Variants in FBXL17 observed in about 807,000 individuals in gnomAD.
The protein encoded by FBXL17 is F-box and leucine rich repeat protein 17.
A neutral mutation model predicts 66.2 loss-of-function variants in FBXL17; 22 were observed. The ratio of observed to expected loss-of-function variants is 0.33; its 90% confidence interval spans 0.24 to 0.47. The LOEUF (loss-of-function observed/expected upper bound fraction) is 0.47, where lower values mean the gene tolerates loss of function less well. FBXL17 is among the 20% of genes least tolerant of loss of function. FBXL17 has a pLI of 1.00. For missense variants in FBXL17, 878 were observed against 948.2 expected (o/e 0.93, Z 0.97); for synonymous variants, 474 against 400.5 (o/e 1.18, Z -2.19).
chr5:108,310,196 C>T (rs1759050247), intron 4 of FBXL17, among the ~76,000 whole-genome samples: 1 of 152,108 alleles, frequency 6.6e-6, no homozygotes, highest in South Asian at 2.1e-4. Context: ...CAATTTGGAG[C>T]TCTCACAAAA....
At chr5:107,976,654 G>A (rs73204762) in intron 7 of FBXL17, among the ~76,000 whole-genome samples, 18,282 of 151,964 alleles carry the variant, frequency 0.12, 1,353 homozygotes, top group East Asian at 0.2. Flanking sequence ...GATATGAGTA[G>A]AAAAAAGGAA....
At chr5:108,295,364 T>G (rs1262430267) in intron 4 of FBXL17, among the ~76,000 whole-genome samples, 1 of 151,872 alleles carries the variant, frequency 6.6e-6, no homozygotes, top group African/African-American at 2.4e-5. Flanking sequence ...TCTAAGCACA[T>G]TACATGTATA....
chr5:108,368,132 A>C (rs1056307919), intron 1 of FBXL17, among the ~76,000 whole-genome samples, 179 bp from the exon 2 acceptor site: 1 of 152,174 alleles, frequency 6.6e-6, no homozygotes. Context: ...TACAGGAGCT[A>C]AAAACGGACT....
intron 6 of FBXL17, among the ~76,000 whole-genome samples, chr5:108,162,533 T>G (rs1752255575): frequency 6.6e-6 from 1 of 152,100 alleles, no homozygotes; most frequent in Non-Finnish European, 1.5e-5. Flanking sequence ...GTAAATGAAT[T>G]AATGAAATTA....
chr5:108,357,346 A>G (rs1332389255), intron 3 of FBXL17, among the ~76,000 whole-genome samples: 1 of 152,054 alleles, frequency 6.6e-6, no homozygotes, highest in Non-Finnish European at 1.5e-5. Flanking sequence ...TGTGAAGCAA[A>G]AACTGTTAGA....
At chr5:108,082,187 A>T (rs1482189444) in intron 6 of FBXL17, among the ~76,000 whole-genome samples, 1 of 151,690 alleles carries the variant, frequency 6.6e-6, no homozygotes, top group Non-Finnish European at 1.5e-5. Context: ...AAGAAGGATT[A>T]TTACAGAGGA....
chr5:108,165,211 T>C (rs1376774246), intron 6 of FBXL17, among the ~76,000 whole-genome samples: 1 of 152,208 alleles, frequency 6.6e-6, no homozygotes, highest in Admixed American at 6.5e-5. Context: ...GTGGTATAGT[T>C]CTATAGTTAT....
At chr5:108,364,008 T>G (rs1748502511) in intron 3 of FBXL17, among the ~76,000 whole-genome samples, 1 of 152,044 alleles carries the variant, frequency 6.6e-6, no homozygotes, top group Admixed American at 6.6e-5. Context: ...TTGCACAATA[T>G]GCCTTTGCAA....
intron 4 of FBXL17, among the ~76,000 whole-genome samples, chr5:108,315,688 C>A (rs1290480167): frequency 6.6e-6 from 1 of 151,100 alleles, no homozygotes; most frequent in Non-Finnish European, 1.5e-5. Flanking sequence ...ACTTCAGCAC[C>A]ATAGTCTCTC....
chr5:108,272,072 C>T (rs1561499494), intron 4 of FBXL17, among the ~76,000 whole-genome samples: 1 of 152,064 alleles, frequency 6.6e-6, no homozygotes, highest in Non-Finnish European at 1.5e-5. Context: ...GGGAGGATCA[C>T]GAGGTCATGA....
chr5:108,094,436 G>A lies in FBXL17; in HGVS notation c.1746-73435C>T, dbSNP rs371264640. Among the ~76,000 whole-genome samples, 107 of 152,196 alleles carry A rather than the reference G, an allele frequency of 7.0e-4. 2 individuals carry two copies. The South Asian group carries it at 0.022, about 32-fold the overall frequency. On this transcript the variant is annotated intron_variant, in intron 6 of 8. Coordinates refer to ENST00000542267, the MANE Select transcript of FBXL17 (RefSeq NM_001163315.3). ...CAGCAGGACAAGTGTTGAACACCATGTAACCATTTTGCATTATTTGGAGAA... is the reference window on the plus strand; with the variant it reads ...CAGCAGGACAAGTGTTGAACACCATATAACCATTTTGCATTATTTGGAGAA...
intron 6 of FBXL17, among the ~76,000 whole-genome samples, chr5:108,180,597 T>G (rs1225291298): frequency 6.6e-6 from 1 of 152,092 alleles, no homozygotes; most frequent in Non-Finnish European, 1.5e-5. Flanking sequence ...AGATCTTATT[T>G]TTTACTTGAA....
At position 108,198,389 on chromosome 5, in the gene FBXL17, GA is replaced by G. The variant is rs1753763842; in HGVS notation, c.1615-12143del. 3.3e-5 allele frequency among the ~76,000 whole-genome samples: 5 copies of G among 152,228 alleles called. No individual in the cohort carries two copies. The South Asian group carries it at 1.0e-3, about 32-fold the overall frequency. ...AATCAGTTGGGTCATCCATACTAGT[GA>G]AACAGGAGTCACAGACTCTGGTCCT... On this transcript the variant is annotated intron_variant, in intron 5 of 8. Coordinates refer to ENST00000542267, the MANE Select transcript of FBXL17 (RefSeq NM_001163315.3).
intron 4 of FBXL17, among the ~76,000 whole-genome samples, chr5:108,235,936 C>T (rs760827216): frequency 3.3e-5 from 5 of 152,140 alleles, no homozygotes; most frequent in Non-Finnish European, 5.9e-5. Flanking sequence ...TTATTGGTTC[C>T]ATGTGGCACA....
intron 7 of FBXL17, among the ~76,000 whole-genome samples, chr5:107,948,904 A>G (rs1346475870): frequency 6.6e-6 from 1 of 152,236 alleles, no homozygotes; most frequent in Non-Finnish European, 1.5e-5. Flanking sequence ...ATACAGACAG[A>G]GCATTCGCTC....
intron 4 of FBXL17, among the ~76,000 whole-genome samples, chr5:108,276,219 T>C (rs535411198): frequency 6.6e-6 from 1 of 152,328 alleles, no homozygotes; most frequent in South Asian, 2.1e-4. Context: ...GAAATTGACA[T>C]AGCAGTTTAT....
At chr5:108,376,831 G>A (rs1205676946) in intron 1 of FBXL17, among the ~76,000 whole-genome samples, 1 of 149,286 alleles carries the variant, frequency 6.7e-6, no homozygotes, top group African/African-American at 2.5e-5. Context: ...TCTGTTGCCA[G>A]GCTGGAGTGC....
At chr5:108,022,503 C>A (rs1030705497) in intron 6 of FBXL17, among the ~76,000 whole-genome samples, 8 of 151,904 alleles carry the variant, frequency 5.3e-5, no homozygotes, top group African/African-American at 1.9e-4. Flanking sequence ...AATCTGACGG[C>A]TTTCTGTCAA....
chr5:108,267,956 T>C (rs954148228), intron 4 of FBXL17, among the ~76,000 whole-genome samples: 3 of 152,104 alleles, frequency 2.0e-5, no homozygotes, highest in Non-Finnish European at 4.4e-5. Flanking sequence ...TTTATAATGA[T>C]AAACAGGGAT....
Sources: gnomAD v4.1 joint callset for allele counts (sites outside exome capture counted in the v4.1 genomes callset) on GRCh38, gnomAD v4.1.1 for gene constraint, MANE v1.5 for transcripts, NCBI Gene and HGNC (gene_info 2026-07-23, HGNC 2026-07-21) for gene names.